The following ADCY3 variants were observed in gnomAD, a reference collection of about 807,000 sequenced individuals.
The protein encoded by ADCY3 is adenylate cyclase type 3.
ADCY3 carries 70 observed loss-of-function variants against 119.4 expected under a neutral mutation model. The ratio of observed to expected loss-of-function variants is 0.59; its 90% CI spans 0.48 to 0.72. ADCY3 has a LOEUF of 0.72. ADCY3 is among the 30% of genes least tolerant of loss of function. The probability of loss-of-function intolerance (pLI) is 0.00; values close to 1 mark genes in which losing one functional copy is unlikely to be tolerated. For synonymous variants in ADCY3, 672 were observed against 621.4 expected, an observed-to-expected ratio of 1.08 and a Z score of -1.21; for missense variants, 1,238 against 1,541.6, an observed-to-expected ratio of 0.80 and a Z score of 3.30.
At position 24,872,819 on chromosome 2, in the gene ADCY3, C is replaced by A. The variant is rs1251587272; in HGVS notation, c.676-100G>T. On this transcript the variant is annotated intron_variant, in intron 2 of 21. Coordinates refer to ENST00000679454, the MANE Select transcript of ADCY3 (RefSeq NM_004036.5). This position sits in a 1 kb window ranked among gnomAD's most constrained non-coding sequence, Gnocchi z 4.4. ...TGGAGGAGGTGGGGTGGGTGGTGAC[C>A]AAAATCAAACCTCAAGTTGCCCAAT... 7.1e-6 allele frequency: 10 copies of A among 1,400,490 alleles called. No homozygotes were observed. The highest frequency in any genetic ancestry group is 9.8e-6 in the Non-Finnish European group (10 of 1,023,018). The allele number at this position is 1,400,490 out of a possible 1,614,324, so 86.8% of individuals were successfully genotyped here.
At chr2:24,916,238 C>T (rs1573078616) in intron 2 of ADCY3, among the ~76,000 whole-genome samples, 1 of 152,350 alleles carries the variant, frequency 6.6e-6, no homozygotes, top group African/African-American at 2.4e-5. Context: ...CTCCGAGTAG[C>T]CACGTGGTGG....
chr2:24,825,706 A>G, intron 16 of ADCY3: 1 of 272,380 alleles, frequency 3.7e-6, no homozygotes, highest in Non-Finnish European at 7.0e-6. Flanking sequence ...AATGTCCCTC[A>G]GCGCCACGGG....
At chr2:24,827,809 A>G in intron 14 of ADCY3, 93 bp downstream of exon 14, 2 of 1,566,334 alleles carry the variant, frequency 1.3e-6, no homozygotes, top group Non-Finnish European at 1.7e-6. Flanking sequence ...AGTGGCAGAA[A>G]GCCACCTCAG....
chr2:24,843,020 G>A (rs1245508652), intron 3 of ADCY3, among the ~76,000 whole-genome samples: 1 of 152,222 alleles, frequency 6.6e-6, no homozygotes, highest in African/African-American at 2.4e-5. Flanking sequence ...CATCAAGGAG[G>A]CCTTCCTGAA....
At position 24,864,541 on chromosome 2, in the gene ADCY3, C is replaced by T. The variant is rs556000527; in HGVS notation, c.825+8029G>A. Among the ~76,000 whole-genome samples the T allele has an allele frequency of 3.3e-5, 5 of 152,216 alleles. No individual in the cohort carries two copies. In the East Asian group the frequency reaches 5.8e-4, roughly 18 times the overall value. ...ACATGCAAGGAGATATCAGCCTTAA[C>T]GGGAAAGAAATGCTGATCTGCCCGA... On this transcript the variant is annotated intron_variant, in intron 3 of 21. Coordinates refer to ENST00000679454, the MANE Select transcript of ADCY3 (RefSeq NM_004036.5).
Position 24,826,204 on chromosome 2 carries a change from G to T in ADCY3, c.2496-78C>A, listed in dbSNP as rs1035816765. On this transcript the variant is annotated intron_variant, in intron 15 of 21. Coordinates refer to ENST00000679454, the MANE Select transcript of ADCY3 (RefSeq NM_004036.5). ...GGGCCTGATTCCCTCCAACTAGATGGTGCTGCTTCCTGCCACCCCAGCCCT... is the reference window on the plus strand; with the variant it reads ...GGGCCTGATTCCCTCCAACTAGATGTTGCTGCTTCCTGCCACCCCAGCCCT... 3.0e-5 allele frequency: 40 copies of T among 1,323,348 alleles called. No individual in the cohort carries two copies. In the South Asian group the frequency reaches 3.7e-4, roughly 12 times the overall value. 82.0% of individuals were successfully genotyped at this position (1,323,348 alleles called of 1,614,324 possible).
chr2:24,833,684 C>CCA (rs1669909376), intron 11 of ADCY3, among the ~76,000 whole-genome samples: 1 of 152,148 alleles, frequency 6.6e-6, no homozygotes, highest in East Asian at 1.9e-4. Flanking sequence ...CCCTTGATCC[C>CCA]CACGCATGAA....
chr2:24,868,341 G>A (rs1475799768), intron 3 of ADCY3, among the ~76,000 whole-genome samples: 1 of 152,202 alleles, frequency 6.6e-6, no homozygotes, highest in Non-Finnish European at 1.5e-5. Flanking sequence ...AGCATTAAAT[G>A]CATGTTTTAG....
chr2:24,838,197 C>G lies in ADCY3; in HGVS notation c.1533+248G>C, dbSNP rs564670081. On this transcript the variant is annotated intron_variant, in intron 8 of 21. Coordinates refer to ENST00000679454, the MANE Select transcript of ADCY3 (RefSeq NM_004036.5). ...GCCACCGACACATCTCCAGCGGCCC[C>G]CTCCTGGATGTGGTCTTGGGATATG... Among the ~76,000 whole-genome samples the G allele has an allele frequency of 2.0e-5, 3 of 152,150 alleles. No individual in the cohort carries two copies. The East Asian group carries it at 5.8e-4, about 29-fold the overall frequency.
rs181783648 is a variant in ADCY3, at chr2:24,833,889, C to A, written c.1967+596G>T. Among the ~76,000 whole-genome samples, 97 of 152,384 alleles carry A rather than the reference C, an allele frequency of 6.4e-4. 1 individual carries two copies. The highest frequency in any genetic ancestry group is 2.2e-3 in the African/African-American group (90 of 41,602). On this transcript the variant is annotated intron_variant, in intron 11 of 21. Coordinates refer to ENST00000679454, the MANE Select transcript of ADCY3 (RefSeq NM_004036.5). ...GACCCAGCCCAAGGCTCCTGACAAACTGTAATCCCAGCAGGGTTCCAGACC... is the reference window on the plus strand; with the variant it reads ...GACCCAGCCCAAGGCTCCTGACAAAATGTAATCCCAGCAGGGTTCCAGACC...
At position 24,841,271 on chromosome 2, in the gene ADCY3, A is replaced by G; in HGVS notation, c.1184T>C (p.Val395Ala). 1 of 1,562,708 alleles carries G rather than the reference A, an allele frequency of 6.4e-7. No homozygotes were observed. Among genetic ancestry groups the G allele is most frequent in the Non-Finnish European group, 8.7e-7 (1 of 1,154,024 alleles). Residue 395 changes from valine to alanine, a missense_variant, in exon 6 of 22, where the codon GTG becomes GCG. Transcript: ENST00000679454. This position sits in a 1 kb window ranked among gnomAD's most constrained non-coding sequence, Gnocchi z 5.8. Reference protein sequence around the residue: ...VCSILMGLAMVEAISYVREKT... With the variant: ...VCSILMGLAMAEAISYVREKT... ...GCATCCCACTTACGAGATGGCCTCC[A>G]CCATGGCCAGCCCCATGAGGATGGA...
intron 8 of ADCY3, among the ~76,000 whole-genome samples, chr2:24,837,563 A>G (rs188934751): frequency 1.8e-4 from 27 of 152,318 alleles, no homozygotes; most frequent in Non-Finnish European, 3.5e-4. Flanking sequence ...TCAGCCATAG[A>G]GCAGTCTCAA....
In ADCY3 at chr2:24,858,146, G is replaced by A. The variant is rs375795186; in HGVS notation, c.825+14424C>T. Among the ~76,000 whole-genome samples, 166 of 151,792 alleles carry A rather than the reference G, an allele frequency of 1.1e-3. 1 individual carries two copies. The highest frequency in any genetic ancestry group is 3.7e-3 in the African/African-American group (152 of 41,366). On this transcript the variant is annotated intron_variant, in intron 3 of 21. Coordinates refer to ENST00000679454, the MANE Select transcript of ADCY3 (RefSeq NM_004036.5). The stretch of plus-strand genomic sequence containing the variant: ...CCCAAGTAGCTGGGACTACAGGTGC[G>A]CACCACCACCATGCCTGGATTTTTT...
At chr2:24,829,776 A>C (rs1375981822) in intron 13 of ADCY3, among the ~76,000 whole-genome samples, 1 of 151,336 alleles carries the variant, frequency 6.6e-6, no homozygotes, top group African/African-American at 2.4e-5. Flanking sequence ...AAAAAAAAGG[A>C]AGATAGTGTA....
At position 24,899,086 on chromosome 2, in the gene ADCY3, T is replaced by C. The variant is rs972067414; in HGVS notation, c.675+19227A>G. Among the ~76,000 whole-genome samples, 131 of 152,074 alleles carry C rather than the reference T, an allele frequency of 8.6e-4. No individual in the cohort carries two copies. Among genetic ancestry groups the C allele is most frequent in the African/African-American group, 2.8e-3 (117 of 41,464 alleles). ...ATGTCCCCCTACCCCTCCCACCTTT[T>C]CCCAGCTCACCTGTCTCTACCTCTG... is the stretch of plus-strand genomic sequence containing the variant. On this transcript the variant is annotated intron_variant, in intron 2 of 21. Transcript: ENST00000679454. This position sits in a 1 kb window ranked among gnomAD's most constrained non-coding sequence, Gnocchi z 4.5.
chr2:24,840,464 C>A (rs1253308188), intron 6 of ADCY3: 25 of 407,742 alleles, frequency 6.1e-5, no homozygotes, highest in Admixed American at 5.8e-4. Context: ...TCCTGGACTA[C>A]CACCCCTGGG....
At chr2:24,833,751 G>GAC (rs1347636761) in intron 11 of ADCY3, among the ~76,000 whole-genome samples, 14 of 152,234 alleles carry the variant, frequency 9.2e-5, no homozygotes, top group African/African-American at 2.9e-4. Context: ...CCACAGTCGT[G>GAC]AGTGTCCGCT....
At position 24,819,235 on chromosome 2, in the gene ADCY3, A is replaced by AAGCAGT. The variant is rs1667156696; in HGVS notation, c.*691_*696dup. On this transcript the variant is annotated 3_prime_UTR_variant, in exon 22 of 22. Coordinates refer to ENST00000679454, the MANE Select transcript of ADCY3 (RefSeq NM_004036.5). ...TTATCAATACCTGTAAATTCTCTTA[A>AAGCAGT]AGCAGTAGCAAAGGCGACTGTAGCA... is the stretch of plus-strand genomic sequence containing the variant. 6.5e-6 allele frequency: 1 copy of AAGCAGT among 152,676 alleles called. No individual in the cohort carries two copies. The highest frequency in any genetic ancestry group is 2.4e-5 in the African/African-American group (1 of 41,468). The allele number at this position is 152,676 out of a possible 1,614,324, so 9.5% of individuals were successfully genotyped here. A position where few individuals can be genotyped will look rare whatever the true frequency, so the allele number is the denominator to read the frequency against.
At chr2:24,853,044 G>A (rs1032730751) in intron 3 of ADCY3, among the ~76,000 whole-genome samples, 5 of 136,876 alleles carry the variant, frequency 3.7e-5, no homozygotes, top group Admixed American at 7.0e-5. Flanking sequence ...GTGTGTGTGT[G>A]TGTGTGTGTG....
Sources: allele counts gnomAD v4.1 joint callset (sites outside exome capture counted in the v4.1 genomes callset), GRCh38; gene constraint gnomAD v4.1.1; non-coding constraint Gnocchi (gnomAD v3.1); transcripts MANE v1.5; gene names NCBI Gene and HGNC (gene_info 2026-07-23, HGNC 2026-07-21).